The following B3GALT1 variants were observed in gnomAD, a reference collection of about 807,000 sequenced individuals.
B3GALT1 encodes the protein UDP-Gal:betaGlcNAc beta 1,3-galactosyltransferase, polypeptide 1.
A neutral mutation model predicts 23.2 loss-of-function variants in B3GALT1; 10 were observed. The ratio of observed to expected loss-of-function variants is 0.43; its 90% confidence interval spans 0.27 to 0.73. The LOEUF (loss-of-function observed/expected upper bound fraction) is 0.73. Ranked by LOEUF, B3GALT1 falls within the 30% of genes least tolerant of loss-of-function variation. The pLI is 0.21. For synonymous variants in B3GALT1, 156 were observed against 141.5 expected, an observed-to-expected ratio of 1.10 and a Z score of -0.73; for missense variants, 299 against 405.4, an observed-to-expected ratio of 0.74 and a Z score of 2.25.
At chr2:167,805,983 T>A (rs899463638) in intron 3 of B3GALT1, among the ~76,000 whole-genome samples, 1 of 152,088 alleles carries the variant, frequency 6.6e-6, no homozygotes, top group Non-Finnish European at 1.5e-5. Context: ...TTCCATTTGT[T>A]TGTATCCTCT....
At chr2:167,772,101 G>A (rs1193224828) in intron 3 of B3GALT1, among the ~76,000 whole-genome samples, 1 of 146,936 alleles carries the variant, frequency 6.8e-6, no homozygotes, top group Non-Finnish European at 1.5e-5. Context: ...AGGCTGCCAT[G>A]GTTTCTAGTC....
At chr2:167,484,550 T>C (rs1307406781) in intron 1 of B3GALT1, among the ~76,000 whole-genome samples, 1 of 152,136 alleles carries the variant, frequency 6.6e-6, no homozygotes. Context: ...TAGGTGGATT[T>C]GAAGATTTTC....
intron 3 of B3GALT1, among the ~76,000 whole-genome samples, chr2:167,703,902 C>T (rs1001152192): frequency 2.0e-5 from 3 of 152,114 alleles, no homozygotes; most frequent in African/African-American, 7.2e-5. Context: ...TAACTCAGGG[C>T]CCGGCGCGGT....
intron 3 of B3GALT1, among the ~76,000 whole-genome samples, chr2:167,782,741 C>G (rs1222043960): frequency 6.6e-6 from 1 of 152,154 alleles, no homozygotes. Context: ...AGTATGCAAG[C>G]ATTTTTCTAA....
Position 167,541,498 on chromosome 2 carries a change from C to T in B3GALT1, c.-410+51221C>T, listed in dbSNP as rs150619213. On this transcript the variant is annotated intron_variant, in intron 2 of 4. Coordinates refer to ENST00000392690, the MANE Select transcript of B3GALT1 (RefSeq NM_020981.4). ...TTTAAACTATGTACACATGATGAAA[C>T]GTGAAGATTTTAAGTAATTCAGATT... is the stretch of plus-strand genomic sequence containing the variant. 2.0e-3 allele frequency among the ~76,000 whole-genome samples: 303 copies of T among 152,038 alleles called. 2 individuals are homozygous for T. Among genetic ancestry groups the T allele is most frequent in the Non-Finnish European group, 2.8e-3 (192 of 67,962 alleles).
chr2:167,870,144 G>A lies in B3GALT1; in HGVS notation c.*124G>A. 1 of 1,020,232 alleles carries A rather than the reference G, an allele frequency of 9.8e-7. No individual in the cohort carries two copies. Among genetic ancestry groups the A allele is most frequent in the Non-Finnish European group, 1.4e-6 (1 of 719,452 alleles). 63.2% of individuals were successfully genotyped at this position (1,020,232 alleles called of 1,614,324 possible). A position where few individuals can be genotyped will look rare whatever the true frequency, so the allele number is the denominator to read the frequency against. ...GGGTTTTGTAAAGTTTTTGCTTCCTGCTATAAGTTCTTTTCTTGGATTACC... is the reference window on the plus strand; with the variant it reads ...GGGTTTTGTAAAGTTTTTGCTTCCTACTATAAGTTCTTTTCTTGGATTACC... On this transcript the variant is annotated 3_prime_UTR_variant, in exon 5 of 5. Coordinates refer to ENST00000392690, the MANE Select transcript of B3GALT1 (RefSeq NM_020981.4).
intron 2 of B3GALT1, among the ~76,000 whole-genome samples, chr2:167,569,297 A>G (rs868732666): frequency 2.6e-5 from 4 of 151,950 alleles, no homozygotes; most frequent in African/African-American, 7.2e-5. Context: ...TTGAATCAAT[A>G]CATCAACATC....
At chr2:167,304,334 T>C (rs1424934353) in intron 1 of B3GALT1, among the ~76,000 whole-genome samples, 2 of 152,184 alleles carry the variant, frequency 1.3e-5, no homozygotes, top group African/African-American at 4.8e-5. Context: ...GAAAGTATCA[T>C]GTACAGAGTC....
At chr2:167,695,230 T>C (rs1451053218) in intron 3 of B3GALT1, among the ~76,000 whole-genome samples, 1 of 152,186 alleles carries the variant, frequency 6.6e-6, no homozygotes, top group African/African-American at 2.4e-5. Context: ...CAGGTTCTAA[T>C]TTGTATATCA....
intron 1 of B3GALT1, among the ~76,000 whole-genome samples, chr2:167,325,696 T>C (rs1696880726): frequency 8.3e-6 from 1 of 120,562 alleles, no homozygotes; most frequent in Admixed American, 1.1e-4. Context: ...ATCTCCACCC[T>C]GTTTTCTTTT....
At chr2:167,808,804 G>A (rs1161667822) in intron 3 of B3GALT1, among the ~76,000 whole-genome samples, 1 of 152,062 alleles carries the variant, frequency 6.6e-6, no homozygotes, top group Non-Finnish European at 1.5e-5. Flanking sequence ...GGCATTCTCT[G>A]TATTTCCCGA....
chr2:167,426,592 C>A lies in B3GALT1; in HGVS notation c.-510-63585C>A, dbSNP rs112660031. On this transcript the variant is annotated intron_variant, in intron 1 of 4. Transcript: ENST00000392690. ...TATAATGGACACAGTGAAGAAGTGT[C>A]TGTTGTATGTACCTTTTTGTTTCCA... Among the ~76,000 whole-genome samples, 228 of 152,246 alleles carry A rather than the reference C, an allele frequency of 1.5e-3. 2 individuals are homozygous for A. Among genetic ancestry groups the A allele is most frequent in the Non-Finnish European group, 2.7e-3 (182 of 68,014 alleles).
At chr2:167,838,796 A>G (rs368510081) in intron 4 of B3GALT1, among the ~76,000 whole-genome samples, 15 of 152,320 alleles carry the variant, frequency 9.8e-5, no homozygotes, top group South Asian at 8.3e-4. Context: ...CTGGCAAACC[A>G]AATCCAGCAG....
intron 1 of B3GALT1, among the ~76,000 whole-genome samples, chr2:167,377,250 C>G (rs566595177): frequency 6.6e-6 from 1 of 151,928 alleles, no homozygotes; most frequent in East Asian, 1.9e-4. Flanking sequence ...GCTTTAATGG[C>G]CAAGTATGTG....
chr2:167,429,749 C>T (rs947790494), intron 1 of B3GALT1, among the ~76,000 whole-genome samples: 1 of 152,180 alleles, frequency 6.6e-6, no homozygotes, highest in Non-Finnish European at 1.5e-5. Flanking sequence ...CCTCAGTTTC[C>T]CTTTCTGAAG....
At chr2:167,640,338 C>T (rs973508919) in intron 2 of B3GALT1, among the ~76,000 whole-genome samples, 10 of 151,914 alleles carry the variant, frequency 6.6e-5, no homozygotes, top group African/African-American at 2.4e-4. Flanking sequence ...TGGAGTTTTC[C>T]TTAGAGCACA....
intron 1 of B3GALT1, among the ~76,000 whole-genome samples, chr2:167,438,940 G>A (rs764083600): frequency 1.4e-4 from 21 of 152,132 alleles, no homozygotes; most frequent in Non-Finnish European, 2.5e-4. Context: ...CATCTATAGC[G>A]CATAGAAAGA....
chr2:167,487,233 G>T (rs1699640907), intron 1 of B3GALT1, among the ~76,000 whole-genome samples: 1 of 152,144 alleles, frequency 6.6e-6, no homozygotes, highest in African/African-American at 2.4e-5. Flanking sequence ...TTTTTGTCCT[G>T]CCAGTAGACT....
chr2:167,464,761 T>G (rs754677325), intron 1 of B3GALT1, among the ~76,000 whole-genome samples: 2 of 152,168 alleles, frequency 1.3e-5, no homozygotes, highest in Non-Finnish European at 2.9e-5. Flanking sequence ...GGAATAGATA[T>G]GAGATGCTGA....
Sources: gnomAD v4.1 joint callset for allele counts (sites outside exome capture counted in the v4.1 genomes callset) on GRCh38, gnomAD v4.1.1 for gene constraint, MANE v1.5 for transcripts, NCBI Gene and HGNC (gene_info 2026-07-23, HGNC 2026-07-21) for gene names.